Variants in APBA1 observed in about 807,000 individuals in gnomAD.
APBA1 encodes the protein amyloid beta precursor protein binding family A member 1, also known as amyloid-beta A4 precursor protein-binding family A member 1.
A neutral mutation model predicts 86.6 loss-of-function variants in APBA1; 55 were observed. The observed-to-expected ratio is 0.64, with a 90% CI of 0.51 to 0.80. APBA1 has a LOEUF of 0.80. APBA1 is among the 30% of genes least tolerant of loss of function. The pLI is 0.00. For missense variants in APBA1, 1,090 were observed against 1,183.0 expected, an observed-to-expected ratio of 0.92 and a Z score of 1.15; for synonymous variants, 511 against 493.9, an observed-to-expected ratio of 1.03 and a Z score of -0.46.
At position 69,516,815 on chromosome 9, in the gene APBA1, C is replaced by T; in HGVS notation, c.396G>A (p.Gln132=). Residue 132 remains glutamine, a synonymous_variant, in exon 2 of 13, where the codon CAG becomes CAA. Transcript: ENST00000265381. This position sits in a 1 kb window ranked among gnomAD's most constrained non-coding sequence, Gnocchi z 7.3. ...YRPEAEEYTE[Q]AEAEHAEATH... is the part of the protein sequence containing the mutation. ...TGGCCTCGGCGTGCTCGGCCTCTGC[C>T]TGCTCCGTGTACTCCTCGGCCTCGG... 1.2e-6 allele frequency: 2 copies of T among 1,607,924 alleles called. No individual in the cohort carries two copies. Among genetic ancestry groups the T allele is most frequent in the Non-Finnish European group, 1.7e-6 (2 of 1,179,356 alleles).
At chr9:69,654,976 T>C (rs1432977842) in intron 1 of APBA1, among the ~76,000 whole-genome samples, 1 of 152,176 alleles carries the variant, frequency 6.6e-6, no homozygotes, top group African/African-American at 2.4e-5. Flanking sequence ...TTTTAATAGA[T>C]ACAGAAGAAG....
chr9:69,581,351 T>C (rs939793846), intron 1 of APBA1, among the ~76,000 whole-genome samples: 2 of 151,850 alleles, frequency 1.3e-5, no homozygotes, highest in Admixed American at 6.6e-5. Flanking sequence ...TACCTTAGTG[T>C]ATTCAGAAAT....
chr9:69,510,694 C>A lies in APBA1; in HGVS notation c.1200+5317G>T, dbSNP rs1435836902. Among the ~76,000 whole-genome samples the A allele has an allele frequency of 9.5e-4, 132 of 139,140 alleles. 3 individuals carry two copies. Among genetic ancestry groups the A allele is most frequent in the Middle Eastern group, 3.6e-3 (1 of 280 alleles). 91.3% of individuals were successfully genotyped at this position (139,140 alleles called of 152,430 possible). On this transcript the variant is annotated intron_variant, in intron 2 of 12. Transcript: ENST00000265381. ...CTATACTACAAGGCTACAGTCACCA[C>A]AACAGCATGGTACTGGTACCAAAAC...
chr9:69,498,654 T>C (rs966548333), intron 2 of APBA1, among the ~76,000 whole-genome samples: 3 of 152,124 alleles, frequency 2.0e-5, no homozygotes, highest in Non-Finnish European at 4.4e-5. Context: ...CCCTGGGGTC[T>C]TGCACAGTGC....
At chr9:69,477,467 C>G in intron 2 of APBA1, among the ~76,000 whole-genome samples, 1 of 127,698 alleles carries the variant, frequency 7.8e-6, no homozygotes, top group African/African-American at 3.0e-5. Context: ...CTCAGAGGGT[C>G]CTACGCCCAC....
At chr9:69,471,384 T>G (rs1244823164) in intron 4 of APBA1, among the ~76,000 whole-genome samples, 1 of 152,218 alleles carries the variant, frequency 6.6e-6, no homozygotes, top group Admixed American at 6.5e-5. Context: ...GTGTGACCAC[T>G]GCTAAGCTGC....
chr9:69,440,704 G>T (rs1193623809), intron 11 of APBA1, among the ~76,000 whole-genome samples: 1 of 152,156 alleles, frequency 6.6e-6, no homozygotes, highest in African/African-American at 2.4e-5. Context: ...GACTAGGAAA[G>T]GGAATTCCCT....
At chr9:69,545,664 C>G (rs1451803102) in intron 1 of APBA1, among the ~76,000 whole-genome samples, 1 of 152,228 alleles carries the variant, frequency 6.6e-6, no homozygotes, top group Non-Finnish European at 1.5e-5. Flanking sequence ...TGAGCCTATT[C>G]TGCTACAATT....
chr9:69,617,097 C>T lies in APBA1; in HGVS notation c.-70+55056G>A, dbSNP rs560836663. 1.7e-4 allele frequency among the ~76,000 whole-genome samples: 26 copies of T among 152,242 alleles called. No homozygotes were observed. The South Asian group carries it at 4.4e-3, about 25-fold the overall frequency. ...ATCTGCCCAGCAACTGCCTGTCCAA[C>T]CTCAGACTGGTGCCATCCTTGTTGT... On this transcript the variant is annotated intron_variant, in intron 1 of 12. Coordinates refer to ENST00000265381, the MANE Select transcript of APBA1 (RefSeq NM_001163.4).
Position 69,476,116 on chromosome 9 carries a change from A to AG in APBA1, c.1227dup (p.Ala412CysfsTer12). 1 of 1,613,964 alleles carries AG rather than the reference A, an allele frequency of 6.2e-7. No homozygotes were observed. Among genetic ancestry groups the AG allele is most frequent in the Non-Finnish European group, 8.5e-7 (1 of 1,179,946 alleles). ...GATGTGCTTGATGACTCTGCACCCA[A>AG]GGGGGAGGAGCTGCCAGGAGACGGA... is the stretch of plus-strand genomic sequence containing the variant. On this transcript the variant is annotated frameshift_variant, in exon 3 of 13. Transcript: ENST00000265381. LOFTEE classifies it high-confidence loss of function.
At chr9:69,646,470 T>G (rs1182714506) in intron 1 of APBA1, among the ~76,000 whole-genome samples, 1 of 152,154 alleles carries the variant, frequency 6.6e-6, no homozygotes, top group African/African-American at 2.4e-5. Context: ...TCAGAAGGGA[T>G]TTGCAGAGAG....
chr9:69,593,480 G>A (rs1049115456), intron 1 of APBA1, among the ~76,000 whole-genome samples: 5 of 152,118 alleles, frequency 3.3e-5, no homozygotes, highest in African/African-American at 7.2e-5. Context: ...CCAAACAACC[G>A]TCAACAAGGG....
chr9:69,542,673 G>C (rs1280893616), intron 1 of APBA1, among the ~76,000 whole-genome samples: 1 of 152,172 alleles, frequency 6.6e-6, no homozygotes, highest in East Asian at 1.9e-4. Flanking sequence ...TGTATGGTAA[G>C]GGTATTTTTA....
chr9:69,579,514 G>T (rs4744916), intron 1 of APBA1, among the ~76,000 whole-genome samples: 145,266 of 152,288 alleles, frequency 0.95, 69,671 homozygotes, highest in East Asian at 1. Context: ...ATCTATGTGA[G>T]AGTAAAATGA....
intron 1 of APBA1, among the ~76,000 whole-genome samples, chr9:69,666,060 C>T (rs928869108): frequency 3.3e-5 from 5 of 152,154 alleles, no homozygotes. Context: ...GGATATTCAT[C>T]TTTATATAAA....
intron 1 of APBA1, among the ~76,000 whole-genome samples, chr9:69,621,297 A>G (rs958943432): frequency 6.6e-6 from 1 of 152,174 alleles, no homozygotes; most frequent in Non-Finnish European, 1.5e-5. Flanking sequence ...ATTATATTAA[A>G]TGTAGCACAA....
At position 69,516,606 on chromosome 9, in the gene APBA1, C is replaced by A. The variant is rs1836156867; in HGVS notation, c.605G>T (p.Gly202Val). ...GLQEHVYEEI[G>V]DAPELDARDG... ...GCGTGCGTCCAGCTCGGGCGCGTCC[C>A]CTATCTCCTCGTACACGTGCTCCTG... Residue 202 changes from glycine to valine, a missense_variant, in exon 2 of 13, where the codon GGG becomes GTG. By Grantham distance (109) the Gly-to-Val change is moderately radical. This residue lies in a region of APBA1 where 678 missense variants were observed against 647.1 expected (regional missense o/e 1.05). Transcript: ENST00000265381. The surrounding 1 kb of genome is among the most constrained non-coding windows in gnomAD (Gnocchi z 7.3). 3 of 1,605,762 alleles carry A rather than the reference C, an allele frequency of 1.9e-6. No individual in the cohort carries two copies. The highest frequency in any genetic ancestry group is 2.5e-6 in the Non-Finnish European group (3 of 1,179,218).
chr9:69,655,014 G>A (rs966446073), intron 1 of APBA1, among the ~76,000 whole-genome samples: 116 of 152,264 alleles, frequency 7.6e-4, no homozygotes, highest in African/African-American at 2.7e-3. Flanking sequence ...CATCCTTGAT[G>A]ATAAAAATGC....
chr9:69,519,912 TGGTAAA>T (rs1181661361), intron 1 of APBA1, among the ~76,000 whole-genome samples: 5 of 152,180 alleles, frequency 3.3e-5, no homozygotes, highest in Non-Finnish European at 7.4e-5. Flanking sequence ...CACTAAACTG[TGGTAAA>T]GGAAGTTCTC....
Sources: gnomAD v4.1 joint callset for allele counts (sites outside exome capture counted in the v4.1 genomes callset) on GRCh38, gnomAD v4.1.1 for gene constraint, gnomAD v4.1.1 regional missense constraint, Gnocchi (gnomAD v3.1) non-coding constraint, MANE v1.5 for transcripts, NCBI Gene and HGNC (gene_info 2026-07-23, HGNC 2026-07-21) for gene names.